VEGFC: variants seen among roughly 807,000 people sequenced by gnomAD.
The protein encoded by VEGFC is FLT4 ligand DHM.
A neutral mutation model predicts 46.1 loss-of-function variants in VEGFC; 12 were observed. That is an observed-to-expected ratio of 0.26 (90% CI 0.17 to 0.42). The LOEUF (loss-of-function observed/expected upper bound fraction) is 0.42, where lower values mean the gene tolerates loss of function less well. Ranked by LOEUF, VEGFC falls within the 10% of genes least tolerant of loss-of-function variation. The pLI, the probability that VEGFC is intolerant of heterozygous loss-of-function variation, is 1.00. For missense variants in VEGFC, 488 were observed against 529.4 expected, an observed-to-expected ratio of 0.92 and a Z score of 0.77; for synonymous variants, 232 against 195.5, an observed-to-expected ratio of 1.19 and a Z score of -1.56.
At chr4:176,702,090 A>C (rs1245962039) in intron 4 of VEGFC, among the ~76,000 whole-genome samples, 1 of 152,178 alleles carries the variant, frequency 6.6e-6, no homozygotes, top group Non-Finnish European at 1.5e-5. Context: ...TAGACCAAAA[A>C]CACGGAGACC....
chr4:176,790,375 T>C (rs2110960851), intron 1 of VEGFC, among the ~76,000 whole-genome samples: 1 of 152,290 alleles, frequency 6.6e-6, no homozygotes, highest in Non-Finnish European at 1.5e-5. Flanking sequence ...AAAAGCGACA[T>C]TTGCAAACAA....
At chr4:176,747,015 G>C (rs537368376) in intron 1 of VEGFC, among the ~76,000 whole-genome samples, 1 of 152,064 alleles carries the variant, frequency 6.6e-6, no homozygotes, top group African/African-American at 2.4e-5. Context: ...TTGACTGTGC[G>C]TCTGCCGCAT....
Position 176,683,880 on chromosome 4 carries a change from C to T in VEGFC, c.*46G>A, listed in dbSNP as rs41367744. 2.8e-3 allele frequency: 4,288 copies of T among 1,513,360 alleles called. 102 individuals are homozygous for T. In the African/African-American group the frequency reaches 0.05, roughly 18 times the overall value. 93.7% of individuals were successfully genotyped at this position (1,513,360 alleles called of 1,614,324 possible). A position where few individuals can be genotyped will look rare whatever the true frequency, so the allele number is the denominator to read the frequency against. On this transcript the variant is annotated 3_prime_UTR_variant, in exon 7 of 7. Coordinates refer to ENST00000618562, the MANE Select transcript of VEGFC (RefSeq NM_005429.5). ...CACAGACAGTTCTACTGTGGCAACACAGTTTTCCATAATAGAAAATCGATG... is the reference window on the plus strand; with the variant it reads ...CACAGACAGTTCTACTGTGGCAACATAGTTTTCCATAATAGAAAATCGATG...
intron 1 of VEGFC, among the ~76,000 whole-genome samples, chr4:176,769,513 G>A (rs971935261): frequency 3.3e-5 from 5 of 152,220 alleles, no homozygotes; most frequent in Admixed American, 6.5e-5. Context: ...TAATAAATAT[G>A]TAATTAGCTA....
chr4:176,756,761 A>T (rs995162604), intron 1 of VEGFC, among the ~76,000 whole-genome samples: 1 of 151,468 alleles, frequency 6.6e-6, no homozygotes, highest in Non-Finnish European at 1.5e-5. Flanking sequence ...CAAGAAGTAG[A>T]TTAGATTTTA....
intron 1 of VEGFC, among the ~76,000 whole-genome samples, chr4:176,781,524 A>G (rs1735915603): frequency 6.6e-6 from 1 of 152,244 alleles, no homozygotes; most frequent in Non-Finnish European, 1.5e-5. Flanking sequence ...ATCTGATATC[A>G]ACTAGCTACT....
At chr4:176,686,289 AC>A (rs1734040559) in intron 6 of VEGFC, among the ~76,000 whole-genome samples, 2 of 152,184 alleles carry the variant, frequency 1.3e-5, no homozygotes, top group South Asian at 4.1e-4. Flanking sequence ...TAGGCCATAA[AC>A]CAGGTTTTAG....
chr4:176,758,456 C>G (rs1735470551), intron 1 of VEGFC, among the ~76,000 whole-genome samples: 1 of 152,092 alleles, frequency 6.6e-6, no homozygotes, highest in African/African-American at 2.4e-5. Flanking sequence ...CAGACACTTC[C>G]CAGAGCTAGG....
chr4:176,791,363 G>A (rs553227548), intron 1 of VEGFC, among the ~76,000 whole-genome samples: 3 of 152,258 alleles, frequency 2.0e-5, no homozygotes, highest in South Asian at 4.2e-4. Flanking sequence ...CCAGTAAGAA[G>A]TAGGAACACA....
intron 1 of VEGFC, among the ~76,000 whole-genome samples, chr4:176,744,922 G>A (rs146046823): frequency 3.2e-4 from 48 of 152,014 alleles, no homozygotes; most frequent in African/African-American, 1.0e-3. Context: ...TTATTTCTAC[G>A]CTAATTCCAA....
At chr4:176,704,321 C>A (rs1734485570) in intron 4 of VEGFC, among the ~76,000 whole-genome samples, 1 of 152,072 alleles carries the variant, frequency 6.6e-6, no homozygotes, top group African/African-American at 2.4e-5. Context: ...TGGTTGAGGT[C>A]ATCTCTTCCA....
chr4:176,792,165 C>T lies in VEGFC; in HGVS notation c.147G>A (p.Thr49=). The T allele has an allele frequency of 6.6e-7, 1 of 1,505,214 alleles. No homozygotes were observed. 93.2% of individuals were successfully genotyped at this position (1,505,214 alleles called of 1,614,324 possible). Residue 49 remains threonine (T), a splice_region_variant and synonymous_variant, in exon 1 of 7, where the codon ACG becomes ACA. Coordinates refer to ENST00000618562, the MANE Select transcript of VEGFC (RefSeq NM_005429.5). The surrounding 1 kb of genome is among the most constrained non-coding windows in gnomAD (Gnocchi z 6.3). ...SDAEPDAGEA[T]AYASKDLEEQ... ...TCCGCAAACCCTAACGCAGACCTACCGTGGCCTCGCCCGCGTCGGGCTCCG... is the reference window on the plus strand; with the variant it reads ...TCCGCAAACCCTAACGCAGACCTACTGTGGCCTCGCCCGCGTCGGGCTCCG...
chr4:176,691,232 A>G (rs1165667582), intron 4 of VEGFC, among the ~76,000 whole-genome samples: 1 of 152,162 alleles, frequency 6.6e-6, no homozygotes, highest in African/African-American at 2.4e-5. Context: ...TTACGTTTTA[A>G]TCTCCAAAGC....
rs553680406 is a variant in VEGFC, at chr4:176,719,973, C to T, written c.552+7805G>A. On this transcript the variant is annotated intron_variant, in intron 3 of 6. Coordinates refer to ENST00000618562, the MANE Select transcript of VEGFC (RefSeq NM_005429.5). ...ACTCGGGAGGCTGAGGCAGGAGAAT[C>T]GCTTGAACCCAGGAGGTGGAGGTTG... 2.6e-3 allele frequency among the ~76,000 whole-genome samples: 397 copies of T among 151,924 alleles called. 4 individuals carry two copies. Among genetic ancestry groups the T allele is most frequent in the African/African-American group, 9.1e-3 (378 of 41,428 alleles).
chr4:176,686,930 C>A (rs950690212), intron 6 of VEGFC, among the ~76,000 whole-genome samples: 3 of 152,022 alleles, frequency 2.0e-5, no homozygotes, highest in African/African-American at 7.2e-5. Context: ...TGAAAACATC[C>A]CACAGGAACC....
At position 176,683,835 on chromosome 4, in the gene VEGFC, C is replaced by G; in HGVS notation, c.*91G>C. ...AGACTTTTGTCTTTGTTAGCATGGACCCACAAGGGTCTCTCTGTTCACAGA... is the reference window on the plus strand; with the variant it reads ...AGACTTTTGTCTTTGTTAGCATGGAGCCACAAGGGTCTCTCTGTTCACAGA... On this transcript the variant is annotated 3_prime_UTR_variant, in exon 7 of 7. Coordinates refer to ENST00000618562, the MANE Select transcript of VEGFC (RefSeq NM_005429.5). The G allele has an allele frequency of 9.6e-7, 1 of 1,040,126 alleles. No individual in the cohort carries two copies. The highest frequency in any genetic ancestry group is 1.5e-6 in the Non-Finnish European group (1 of 673,422). The allele number at this position is 1,040,126 out of a possible 1,614,324, so 64.4% of individuals were successfully genotyped here. A position where few individuals can be genotyped will look rare whatever the true frequency, so the allele number is the denominator to read the frequency against.
intron 1 of VEGFC, among the ~76,000 whole-genome samples, chr4:176,739,671 G>T (rs1272602190): frequency 6.6e-6 from 1 of 151,610 alleles, no homozygotes; most frequent in African/African-American, 2.4e-5. Context: ...GTGATAGGAT[G>T]ATCTGTGCAG....
chr4:176,748,571 C>T (rs1735294088), intron 1 of VEGFC, among the ~76,000 whole-genome samples: 2 of 151,890 alleles, frequency 1.3e-5, no homozygotes, highest in Admixed American at 1.3e-4. Flanking sequence ...AGGAAGATTG[C>T]TTAATTTGGC....
intron 1 of VEGFC, among the ~76,000 whole-genome samples, chr4:176,733,914 C>A (rs953176981): frequency 6.6e-6 from 1 of 151,750 alleles, no homozygotes; most frequent in Non-Finnish European, 1.5e-5. Context: ...ATCTAAAGAA[C>A]TTTAAAAAAA....
Sources: allele counts gnomAD v4.1 joint callset (sites outside exome capture counted in the v4.1 genomes callset), GRCh38; gene constraint gnomAD v4.1.1; non-coding constraint Gnocchi (gnomAD v3.1); transcripts MANE v1.5; gene names NCBI Gene and HGNC (gene_info 2026-07-23, HGNC 2026-07-21).